Variants in IL22RA1 observed in about 807,000 individuals in gnomAD.
IL22RA1 encodes interleukin 22 receptor subunit alpha 1.
Under a neutral mutation model 32.8 loss-of-function variants are expected in IL22RA1, and 25 were observed. That is an observed-to-expected ratio of 0.76 (90% CI 0.55 to 1.06). The LOEUF (loss-of-function observed/expected upper bound fraction) is 1.06. IL22RA1 is among the 50% of genes least tolerant of loss of function. IL22RA1 has a pLI of 0.00. For synonymous variants in IL22RA1, 305 were observed against 305.0 expected, an observed-to-expected ratio of 1.00 and a Z score of 0.00; for missense variants, 709 against 727.4, an observed-to-expected ratio of 0.97 and a Z score of 0.29.
At chr1:24,122,055 C>T (rs1644127765) in intron 6 of IL22RA1, among the ~76,000 whole-genome samples, 2 of 152,124 alleles carry the variant, frequency 1.3e-5, no homozygotes, top group Admixed American at 1.3e-4. Context: ...GGCATGATCT[C>T]GAGGTGGTGG....
chr1:24,121,102 A>G lies in IL22RA1; in HGVS notation c.1428T>C (p.Ser476=), dbSNP rs1313178763. The part of the protein sequence containing the change: ...QPLGICTDRT[S]DPNVLHSGEE... ...CCCCACTGTGTAGCACATTTGGGTC[A>G]GATGTTCTGTCTGTGCAAATCCCCA... Residue 476 remains serine (S), a synonymous_variant, in exon 7 of 7, where the codon TCT becomes TCC. Coordinates refer to ENST00000270800, the MANE Select transcript of IL22RA1 (RefSeq NM_021258.4). 1.9e-6 allele frequency: 3 copies of G among 1,614,150 alleles called. No homozygotes were observed. The Admixed American group carries it at 5.0e-5, about 27-fold the overall frequency.
intron 4 of IL22RA1, among the ~76,000 whole-genome samples, chr1:24,133,035 C>A (rs1248518582): frequency 6.6e-6 from 1 of 151,546 alleles, no homozygotes; most frequent in Non-Finnish European, 1.5e-5. Context: ...GATGATAGAA[C>A]CTGCCTCACA....
At chr1:24,140,613 G>A (rs1644273885) in intron 1 of IL22RA1, among the ~76,000 whole-genome samples, 1 of 152,166 alleles carries the variant, frequency 6.6e-6, no homozygotes, top group South Asian at 2.1e-4. Flanking sequence ...GAGCCTCAAG[G>A]AAGGGGCTGG....
At chr1:24,137,595 C>A (rs552397093) in intron 2 of IL22RA1, among the ~76,000 whole-genome samples, 1 of 150,818 alleles carries the variant, frequency 6.6e-6, no homozygotes, top group South Asian at 2.1e-4. Context: ...TGGCTCACTG[C>A]AACTTCTACC....
Position 24,121,735 on chromosome 1 carries a change from G to A in IL22RA1, c.795C>T (p.Asn265=), listed in dbSNP as rs151301157. 1.6e-4 allele frequency: 241 copies of A among 1,522,286 alleles called. No individual in the cohort carries two copies. The highest frequency in any genetic ancestry group is 2.0e-4 in the Non-Finnish European group (221 of 1,130,406). 94.3% of individuals were successfully genotyped at this position (1,522,286 alleles called of 1,614,324 possible). A position where few individuals can be genotyped will look rare whatever the true frequency, so the allele number is the denominator to read the frequency against. The change falls in exon 7 of 7, where the codon AAC becomes AAT. Residue 265 remains asparagine (N), a splice_region_variant and synonymous_variant. Coordinates refer to ENST00000270800, the MANE Select transcript of IL22RA1 (RefSeq NM_021258.4). ...TKPPAPPNSL[N]VQRVLTFQPL... is the part of the protein sequence containing the mutation. ...GCTGGAAAGTCAGGACTCGCTGGACGTTCTGTGCAGGGACGACAACAGTCA... is the reference window on the plus strand; with the variant it reads ...GCTGGAAAGTCAGGACTCGCTGGACATTCTGTGCAGGGACGACAACAGTCA...
Position 24,137,198 on chromosome 1 carries a change from G to C in IL22RA1, c.288C>G (p.Val96=). ...ACCGGCCTCCCGCACTGACAGCGGT[G>C]ACCCTGGCATAGTAGAGCTCCGTGA... is the stretch of plus-strand genomic sequence containing the variant. The part of the protein sequence containing the change: ...GNLTELYYAR[V]TAVSAGGRSA... The change falls in exon 3 of 7, where the codon GTC becomes GTG. Residue 96 remains valine, a synonymous_variant. Coordinates refer to ENST00000270800, the MANE Select transcript of IL22RA1 (RefSeq NM_021258.4). 5 of 1,614,148 alleles carry C rather than the reference G, an allele frequency of 3.1e-6. No homozygotes were observed. The highest frequency in any genetic ancestry group is 3.4e-6 in the Non-Finnish European group (4 of 1,180,028).
intron 5 of IL22RA1, among the ~76,000 whole-genome samples, chr1:24,125,923 A>G (rs577090411): frequency 3.7e-4 from 56 of 152,226 alleles, no homozygotes; most frequent in Non-Finnish European, 7.2e-4. Flanking sequence ...AGCAAGAAGT[A>G]GCCACCAGGA....
chr1:24,131,431 A>G (rs988396490), intron 4 of IL22RA1, among the ~76,000 whole-genome samples: 5 of 152,228 alleles, frequency 3.3e-5, no homozygotes, highest in African/African-American at 7.2e-5. Flanking sequence ...ATGTAAAAAC[A>G]TATATTATGC....
At chr1:24,122,492 T>C (rs1644131812) in intron 6 of IL22RA1, among the ~76,000 whole-genome samples, 1 of 152,164 alleles carries the variant, frequency 6.6e-6, no homozygotes. Flanking sequence ...AGTTTTGCCA[T>C]TTAAAAATTT....
rs192464481 is a variant in IL22RA1 at position 24,130,851 on chromosome 1, C to A, written c.532-2572G>T. ...TCCTGAGTAGCTGGGATTACAGGCA[C>A]CTGCCACCATGCCCAGCTGATTTTT... On this transcript the variant is annotated intron_variant, in intron 4 of 6. Transcript: ENST00000270800. 3.8e-3 allele frequency among the ~76,000 whole-genome samples: 571 copies of A among 152,234 alleles called. 5 individuals carry two copies. Among genetic ancestry groups the A allele is most frequent in the Middle Eastern group, 0.031 (9 of 294 alleles).
intron 4 of IL22RA1, among the ~76,000 whole-genome samples, chr1:24,133,048 G>A (rs1644217665): frequency 6.6e-6 from 1 of 151,430 alleles, no homozygotes; most frequent in Non-Finnish European, 1.5e-5. Flanking sequence ...GCCTCACAAG[G>A]CCGTGGTGAA....
At chr1:24,142,423 C>T (rs1345715261) in intron 1 of IL22RA1, among the ~76,000 whole-genome samples, 2 of 152,208 alleles carry the variant, frequency 1.3e-5, no homozygotes, top group East Asian at 1.9e-4. Flanking sequence ...CCCCCCACTC[C>T]GCTCACTTTA....
At position 24,123,373 on chromosome 1, in the gene IL22RA1, A is replaced by C. The variant is rs1257455010; in HGVS notation, c.721T>G (p.Phe241Val). 5 of 1,613,998 alleles carry C rather than the reference A, an allele frequency of 3.1e-6. No individual in the cohort carries two copies. In the African/African-American group the frequency reaches 6.7e-5, roughly 22 times the overall value. Residue 241 changes from phenylalanine to valine, a missense_variant, in exon 6 of 7, where the codon TTC becomes GTC. Coordinates refer to ENST00000270800, the MANE Select transcript of IL22RA1 (RefSeq NM_021258.4). ...AGGTAGCAGAGTACTGCGACGAGGA[A>C]GCCCATGGAGAACAGGAAGGCTCCG... ...FSGAFLFSMG[F>V]LVAVLCYLSY...
intron 4 of IL22RA1, among the ~76,000 whole-genome samples, chr1:24,133,714 G>A (rs774718525): frequency 1.3e-5 from 2 of 152,078 alleles, no homozygotes; most frequent in Non-Finnish European, 2.9e-5. Flanking sequence ...GTGAGAAGGT[G>A]TTAAACAAAA....
intron 1 of IL22RA1, 94 bp from the exon 2 acceptor site, chr1:24,138,808 C>A (rs1489888019): frequency 3.1e-5 from 45 of 1,459,358 alleles, no homozygotes; most frequent in Non-Finnish European, 3.7e-5. Context: ...ATATAAATTT[C>A]ATGCAAAGTG....
In IL22RA1 at chr1:24,123,374, G is replaced by T; in HGVS notation, c.720C>A (p.Gly240=). The T allele has an allele frequency of 1.2e-6, 2 of 1,614,040 alleles. No homozygotes were observed. Among genetic ancestry groups the T allele is most frequent in the Non-Finnish European group, 1.7e-6 (2 of 1,179,990 alleles). ...GGTAGCAGAGTACTGCGACGAGGAAGCCCATGGAGAACAGGAAGGCTCCGG... is the reference window on the plus strand; with the variant it reads ...GGTAGCAGAGTACTGCGACGAGGAATCCCATGGAGAACAGGAAGGCTCCGG... ...SFSGAFLFSM[G]FLVAVLCYLS... Residue 240 remains glycine, a synonymous_variant, in exon 6 of 7, where the codon GGC becomes GGA. Transcript: ENST00000270800.
In IL22RA1 at chr1:24,127,766, CATT is replaced by C. The variant is rs142916217; in HGVS notation, c.670+372_670+374del. 3.9e-3 allele frequency among the ~76,000 whole-genome samples: 601 copies of C among 152,184 alleles called. 4 individuals carry two copies. The highest frequency in any genetic ancestry group is 0.014 in the African/African-American group (576 of 41,514). ...GCAGAAATGCTAGTTATCATGATAC[CATT>C]ATTATTATTTGACTTTGGAAGATAT... On this transcript the variant is annotated intron_variant, in intron 5 of 6. Coordinates refer to ENST00000270800, the MANE Select transcript of IL22RA1 (RefSeq NM_021258.4).
intron 3 of IL22RA1, among the ~76,000 whole-genome samples, chr1:24,135,624 A>G (rs901308935): frequency 1.3e-5 from 2 of 152,228 alleles, no homozygotes; most frequent in African/African-American, 4.8e-5. Context: ...ACTGACTCAC[A>G]GTTCCACATG....
chr1:24,121,638 G>A lies in IL22RA1; in HGVS notation c.892C>T (p.Pro298Ser), dbSNP rs750287342. The change falls in exon 7 of 7, where the codon CCT becomes TCT. Residue 298 changes from proline (P) to serine (S), a missense_variant. By Grantham distance (74) the Pro-to-Ser change is moderately conservative (BLOSUM62 -1). Transcript: ENST00000270800. ...DLSGPSSLAQPVQYSQIRVSG... is the reference protein window; with the variant it reads ...DLSGPSSLAQSVQYSQIRVSG... Reference sequence around the variant, plus strand: ...ACCCTGATCTGGGAGTACTGGACAGGCTGGGCCAGACTGCTGGGGCCGCTG... The same window carrying A: ...ACCCTGATCTGGGAGTACTGGACAGACTGGGCCAGACTGCTGGGGCCGCTG... The A allele has an allele frequency of 3.1e-6, 5 of 1,612,050 alleles. No individual in the cohort carries two copies. In the South Asian group the frequency reaches 5.5e-5, roughly 18 times the overall value.
Sources: gnomAD v4.1 joint callset for allele counts (sites outside exome capture counted in the v4.1 genomes callset) on GRCh38, gnomAD v4.1.1 for gene constraint, MANE v1.5 for transcripts, NCBI Gene and HGNC (gene_info 2026-07-23, HGNC 2026-07-21) for gene names.